The following ADAMTS9 variants were observed in gnomAD, a reference collection of about 807,000 sequenced individuals.
ADAMTS9 encodes ADAM metallopeptidase with thrombospondin type 1 motif 9, also known as A disintegrin and metalloproteinase with thrombospondin motifs 9.
In ADAMTS9, 107 loss-of-function variants were observed where a neutral mutation model predicts 257.1. The observed-to-expected ratio is 0.42, with a 90% CI of 0.36 to 0.49. The LOEUF is 0.49. ADAMTS9 is among the 20% of genes least tolerant of loss of function. The pLI, the probability that ADAMTS9 is intolerant of heterozygous loss-of-function variation, is 0.03. For synonymous variants in ADAMTS9, 982 were observed against 880.9 expected, an observed-to-expected ratio of 1.11 and a Z score of -2.03; for missense variants, 2,353 against 2,469.1, an observed-to-expected ratio of 0.95 and a Z score of 1.00.
intron 11 of ADAMTS9, among the ~76,000 whole-genome samples, chr3:64,644,874 T>C (rs186514474): frequency 9.2e-5 from 14 of 152,348 alleles, no homozygotes; most frequent in African/African-American, 3.4e-4. Flanking sequence ...ATCAGAGCGC[T>C]ACCATCTAGC....
chr3:64,550,442 A>G (rs1459556830), intron 31 of ADAMTS9: 1 of 154,610 alleles, frequency 6.5e-6, no homozygotes, highest in Non-Finnish European at 1.4e-5. Context: ...ACGCTAGACC[A>G]CATTTCTGCA....
At chr3:64,541,641 A>T (rs1185370944) in intron 33 of ADAMTS9, 21 bp from the exon 34 acceptor site, 1 of 1,599,394 alleles carries the variant, frequency 6.3e-7, no homozygotes, top group Non-Finnish European at 8.6e-7. Context: ...CCAATCACAA[A>T]AAATAGGGTG....
intron 11 of ADAMTS9, among the ~76,000 whole-genome samples, chr3:64,643,176 G>A (rs34994235): frequency 0.013 from 1,994 of 152,130 alleles, 22 homozygotes; most frequent in Non-Finnish European, 0.021. Flanking sequence ...GGACTACGTC[G>A]CTCTCTGGAA....
intron 3 of ADAMTS9, among the ~76,000 whole-genome samples, chr3:64,671,726 C>T (rs1048800784): frequency 1.3e-5 from 2 of 152,134 alleles, no homozygotes; most frequent in African/African-American, 2.4e-5. Flanking sequence ...ATGTGCATAC[C>T]ACATCAGATC....
intron 3 of ADAMTS9, among the ~76,000 whole-genome samples, chr3:64,675,040 A>G (rs1701592774): frequency 3.3e-5 from 5 of 152,272 alleles, no homozygotes; most frequent in Admixed American, 3.3e-4. Flanking sequence ...GGCATTTAAA[A>G]ATTCCTGCCA....
rs532680676 is a variant in ADAMTS9, at chr3:64,528,921, C to A, written c.5718+4245G>T. ...AATAACTTGCCCAAGATGGCAGAGC[C>A]AGTGGGCACAGACTCTGGCAGTCAG... is the stretch of plus-strand genomic sequence containing the variant. On this transcript the variant is annotated intron_variant, in intron 38 of 39. Coordinates refer to ENST00000498707, the MANE Select transcript of ADAMTS9 (RefSeq NM_182920.2). 1.2e-4 allele frequency among the ~76,000 whole-genome samples: 18 copies of A among 152,202 alleles called. No individual in the cohort carries two copies. In the East Asian group the frequency reaches 3.5e-3, roughly 29 times the overall value.
chr3:64,556,752 T>TCCTTCCTC (rs1276180644), intron 30 of ADAMTS9, among the ~76,000 whole-genome samples: 12 of 148,344 alleles, frequency 8.1e-5, no homozygotes, highest in South Asian at 2.2e-4. Flanking sequence ...CTTCCTTCCT[T>TCCTTCCTC]CCTCCCTCCC....
At chr3:64,610,442 T>C (rs961300863) in intron 22 of ADAMTS9, among the ~76,000 whole-genome samples, 4 of 152,174 alleles carry the variant, frequency 2.6e-5, no homozygotes, top group Admixed American at 6.5e-5. Context: ...TATTGAATTA[T>C]ACATTTAAAA....
At chr3:64,551,159 T>G in intron 30 of ADAMTS9, 97 bp from the exon 31 acceptor site, 1 of 1,382,136 alleles carries the variant, frequency 7.2e-7, no homozygotes, top group Non-Finnish European at 9.9e-7. Flanking sequence ...TTTAAGATCA[T>G]AAGAGCCCTG....
intron 32 of ADAMTS9, among the ~76,000 whole-genome samples, chr3:64,543,604 G>C (rs1220382830): frequency 1.3e-5 from 2 of 152,170 alleles, no homozygotes; most frequent in African/African-American, 4.8e-5. Flanking sequence ...ATTAGGTATT[G>C]ATGGGACATA....
At chr3:64,646,459 G>T (rs1028637294) in intron 11 of ADAMTS9, among the ~76,000 whole-genome samples, 1 of 152,156 alleles carries the variant, frequency 6.6e-6, no homozygotes, top group East Asian at 1.9e-4. Flanking sequence ...GTCTTGCAAA[G>T]ATTCACTCTT....
intron 36 of ADAMTS9, 64 bp from the exon 37 acceptor site, chr3:64,539,358 A>G (rs1224230282): frequency 8.1e-6 from 11 of 1,352,418 alleles, no homozygotes; most frequent in Admixed American, 3.5e-5. Flanking sequence ...CAAGGAAGGA[A>G]CAGGACATTA....
intron 30 of ADAMTS9, among the ~76,000 whole-genome samples, chr3:64,560,277 T>C (rs1364113244): frequency 6.6e-6 from 1 of 152,166 alleles, no homozygotes; most frequent in Non-Finnish European, 1.5e-5. Flanking sequence ...GAAATGTAAC[T>C]GCTTTAGGCA....
chr3:64,593,318 T>C (rs61325278), intron 28 of ADAMTS9, among the ~76,000 whole-genome samples: 3,811 of 152,260 alleles, frequency 0.025, 154 homozygotes, highest in African/African-American at 0.087. Flanking sequence ...CTTTAGCTGG[T>C]TTCAGGGATG....
At chr3:64,631,714 G>T in intron 15 of ADAMTS9, 94 bp downstream of exon 15, 1 of 1,265,526 alleles carries the variant, frequency 7.9e-7, no homozygotes, top group Non-Finnish European at 1.1e-6. Context: ...TGATTTTTAT[G>T]CTCGACATTA....
At chr3:64,634,612 C>A (rs769872125) in intron 12 of ADAMTS9, among the ~76,000 whole-genome samples, 4 of 152,086 alleles carry the variant, frequency 2.6e-5, no homozygotes, top group African/African-American at 4.8e-5. Flanking sequence ...CAGATGTGAT[C>A]CAGAGAGTAA....
intron 19 of ADAMTS9, 68 bp from the exon 20 acceptor site, chr3:64,616,238 G>A: frequency 1.3e-6 from 2 of 1,513,338 alleles, no homozygotes; most frequent in Non-Finnish European, 9.2e-7. Context: ...ATAGTCAACT[G>A]GTATTCATAG....
At chr3:64,594,654 T>C (rs1334526342) in intron 27 of ADAMTS9, among the ~76,000 whole-genome samples, 3 of 152,198 alleles carry the variant, frequency 2.0e-5, no homozygotes, top group Non-Finnish European at 2.9e-5. Flanking sequence ...TCTCTTAACT[T>C]GCACTGAGGA....
intron 16 of ADAMTS9, among the ~76,000 whole-genome samples, chr3:64,630,746 C>A (rs537165394): frequency 6.6e-6 from 1 of 152,088 alleles, no homozygotes; most frequent in East Asian, 1.9e-4. Flanking sequence ...GTAACAAACC[C>A]GCACATCTTG....
Sources: allele counts gnomAD v4.1 joint callset (sites outside exome capture counted in the v4.1 genomes callset), GRCh38; gene constraint gnomAD v4.1.1; transcripts MANE v1.5; gene names NCBI Gene and HGNC (gene_info 2026-07-23, HGNC 2026-07-21).